QTGAL: variants seen among roughly 807,000 people sequenced by gnomAD.
QTGAL encodes the protein BGnT-like protein 1.
At chr17:83,036,617 G>A in the QTGAL span, among the ~76,000 whole-genome samples, 4 of 152,318 alleles carry the variant, frequency 2.6e-5, no homozygotes, top group South Asian at 2.1e-4. Flanking sequence ...GACTGAAAAC[G>A]GGGATAGGGA....
At chr17:82,984,754 T>C in the QTGAL span, among the ~76,000 whole-genome samples, 735 of 152,250 alleles carry the variant, frequency 4.8e-3, 8 homozygotes, top group Middle Eastern at 0.051. Flanking sequence ...GGGCCTGAGC[T>C]GGGACGGCGG....
chr17:82,992,302 G>A, the QTGAL span, among the ~76,000 whole-genome samples: 1 of 152,084 alleles, frequency 6.6e-6, no homozygotes, highest in Non-Finnish European at 1.5e-5. Context: ...CCTACAAGCA[G>A]CAAGAGAAAA....
At chr17:83,035,188 T>C in the QTGAL span, 4 of 1,208,764 alleles carry the variant, frequency 3.3e-6, no homozygotes, top group African/African-American at 1.6e-5. Flanking sequence ...TATTCTTTTT[T>C]TTTTTTTCGA....
At chr17:82,967,588 CAG>C in the QTGAL span, among the ~76,000 whole-genome samples, 2 of 151,910 alleles carry the variant, frequency 1.3e-5, no homozygotes, top group Non-Finnish European at 2.9e-5. Flanking sequence ...ATTCCAGAGA[CAG>C]AGAAATAAAA....
the QTGAL span, among the ~76,000 whole-genome samples, chr17:83,032,889 G>A: frequency 1.3e-5 from 2 of 152,166 alleles, no homozygotes; most frequent in Non-Finnish European, 2.9e-5. Context: ...GTCTGCACAC[G>A]GGCACGCCTC....
chr17:83,014,480 C>G, the QTGAL span: 3 of 1,614,096 alleles, frequency 1.9e-6, no homozygotes, highest in Non-Finnish European at 2.5e-6. Flanking sequence ...ACGGCAGCCT[C>G]GTGTTGCAGC....
chr17:82,997,844 G>C, the QTGAL span, among the ~76,000 whole-genome samples: 3 of 151,614 alleles, frequency 2.0e-5, no homozygotes, highest in Admixed American at 6.6e-5. Context: ...CATGGAGATA[G>C]AGAATAAAAG....
chr17:83,019,410 T>C, the QTGAL span, among the ~76,000 whole-genome samples: 2 of 152,248 alleles, frequency 1.3e-5, no homozygotes, highest in Non-Finnish European at 2.9e-5. Context: ...GCAAGTTGTA[T>C]TTAAAAAACT....
At chr17:83,024,659 C>T in the QTGAL span, among the ~76,000 whole-genome samples, 6 of 152,270 alleles carry the variant, frequency 3.9e-5, no homozygotes, top group Non-Finnish European at 8.8e-5. Context: ...CGTGTTAACA[C>T]GCCCCCGGGG....
At chr17:82,973,836 G>A in the QTGAL span, among the ~76,000 whole-genome samples, 1 of 152,158 alleles carries the variant, frequency 6.6e-6, no homozygotes, top group Non-Finnish European at 1.5e-5. Context: ...CTCAGGCAGT[G>A]GCCCCACAAT....
At chr17:82,957,279 G>C in the QTGAL span, 4 of 1,614,110 alleles carry the variant, frequency 2.5e-6, no homozygotes, top group South Asian at 4.4e-5. Flanking sequence ...GGCAGCTCTG[G>C]ACAGGCCGGG....
chr17:82,998,321 A>T, the QTGAL span, among the ~76,000 whole-genome samples: 1 of 152,204 alleles, frequency 6.6e-6, no homozygotes, highest in African/African-American at 2.4e-5. Flanking sequence ...AGATAAATTG[A>T]ATTTCATCAA....
At chr17:82,967,914 G>C in the QTGAL span, among the ~76,000 whole-genome samples, 1 of 152,046 alleles carries the variant, frequency 6.6e-6, no homozygotes, top group Non-Finnish European at 1.5e-5. Context: ...ACTCCAGCCT[G>C]GGCGACAGAG....
chr17:82,965,896 G>A, the QTGAL span: 15 of 797,582 alleles, frequency 1.9e-5, no homozygotes, highest in East Asian at 2.4e-4. Flanking sequence ...ACTTCACCAC[G>A]GGGCCGACGT....
At chr17:82,961,063 A>G in the QTGAL span, 2 of 1,609,268 alleles carry the variant, frequency 1.2e-6, no homozygotes, top group Non-Finnish European at 1.7e-6. Flanking sequence ...TCACTCGAGG[A>G]CGCAGTGCGT....
At chr17:82,971,421 G>A in the QTGAL span, among the ~76,000 whole-genome samples, 4 of 152,194 alleles carry the variant, frequency 2.6e-5, no homozygotes, top group African/African-American at 9.7e-5. Flanking sequence ...CTCCAAGCAT[G>A]GGCAAGCGCT....
chr17:83,011,905 C>G, the QTGAL span, among the ~76,000 whole-genome samples: 24 of 151,766 alleles, frequency 1.6e-4, no homozygotes, highest in Admixed American at 1.6e-3. Flanking sequence ...TCCTGGTATC[C>G]GTAAGTATCC....
the QTGAL span, among the ~76,000 whole-genome samples, chr17:83,036,043 T>G: frequency 6.6e-6 from 1 of 151,084 alleles, no homozygotes; most frequent in Non-Finnish European, 1.5e-5. Context: ...CCAGAGTGGG[T>G]GCACATCCCA....
chr17:82,973,547 C>G, the QTGAL span, among the ~76,000 whole-genome samples: 1,968 of 152,056 alleles, frequency 0.013, 16 homozygotes, highest in South Asian at 0.037. Flanking sequence ...GAGTCCGGCT[C>G]TCACCTGGCA....
Sources: allele counts gnomAD v4.1 joint callset (sites outside exome capture counted in the v4.1 genomes callset), GRCh38; gene constraint gnomAD v4.1.1; transcripts MANE v1.5; gene names NCBI Gene and HGNC (gene_info 2026-07-23, HGNC 2026-07-21).